Variants in MYO5A observed in about 807,000 individuals in gnomAD.
MYO5A encodes the protein myosin VA.
A neutral mutation model predicts 249.7 loss-of-function variants in MYO5A; 98 were observed. That is an observed-to-expected ratio of 0.39 (90% CI 0.33 to 0.46). The LOEUF (loss-of-function observed/expected upper bound fraction) is 0.46. Ranked by LOEUF, MYO5A falls within the 20% of genes least tolerant of loss-of-function variation. MYO5A has a pLI of 0.98. For missense variants in MYO5A, 1,696 were observed against 2,308.8 expected, an observed-to-expected ratio of 0.73 and a Z score of 5.44; for synonymous variants, 778 against 810.6, an observed-to-expected ratio of 0.96 and a Z score of 0.68.
intron 9 of MYO5A, among the ~76,000 whole-genome samples, chr15:52,401,262 GTT>G (rs563931209): frequency 1.6e-3 from 243 of 152,122 alleles, no homozygotes; most frequent in African/African-American, 5.7e-3. Flanking sequence ...TAGAGAGAGG[GTT>G]TTGCCATGTT....
At chr15:52,522,434 A>C (rs905807311) in intron 1 of MYO5A, among the ~76,000 whole-genome samples, 51 of 152,208 alleles carry the variant, frequency 3.4e-4, no homozygotes, top group African/African-American at 1.1e-3. Flanking sequence ...AAGTCTAGGA[A>C]GACCACTGTA....
rs565980689 is a variant in MYO5A, at chr15:52,320,409, C to T, written c.4951+950G>A. The stretch of plus-strand genomic sequence containing the variant: ...GATTTAGATTGGGGCTTCTTTGAGG[C>T]GAACTTCTTATTCAGCCAATAGAAA... On this transcript the variant is annotated intron_variant, in intron 38 of 41. Transcript: ENST00000399233. Among the ~76,000 whole-genome samples the T allele has an allele frequency of 3.9e-5, 6 of 152,232 alleles. No homozygotes were observed. In the East Asian group the frequency reaches 9.7e-4, roughly 25 times the overall value.
intron 1 of MYO5A, among the ~76,000 whole-genome samples, chr15:52,502,895 G>A (rs917205022): frequency 1.3e-5 from 2 of 152,174 alleles, no homozygotes; most frequent in Non-Finnish European, 2.9e-5. Context: ...AGAACCAGAG[G>A]TCATTATGTT....
At chr15:52,333,905 T>C (rs565752541) in intron 34 of MYO5A, among the ~76,000 whole-genome samples, 7 of 152,364 alleles carry the variant, frequency 4.6e-5, no homozygotes, top group African/African-American at 1.7e-4. Context: ...ACCTTGATTC[T>C]CTTTATTTGG....
At chr15:52,466,024 A>G (rs2076345945) in intron 1 of MYO5A, among the ~76,000 whole-genome samples, 1 of 152,186 alleles carries the variant, frequency 6.6e-6, no homozygotes, top group Admixed American at 6.5e-5. Context: ...TAGGGAATCG[A>G]GCAATCCAGA....
At chr15:52,399,095 G>T (rs144830973) in intron 9 of MYO5A, among the ~76,000 whole-genome samples, 1 of 150,528 alleles carries the variant, frequency 6.6e-6, no homozygotes, top group African/African-American at 2.4e-5. Flanking sequence ...ATTACATCAA[G>T]ATTGTTAACT....
At chr15:52,367,007 G>T in intron 23 of MYO5A, 24 bp downstream of exon 23, 1 of 1,584,820 alleles carries the variant, frequency 6.3e-7, no homozygotes, top group Non-Finnish European at 8.7e-7. Flanking sequence ...GTTGGTTGGC[G>T]TGTAGTACGC....
intron 2 of MYO5A, among the ~76,000 whole-genome samples, chr15:52,430,109 AT>A (rs1484943552): frequency 6.6e-6 from 1 of 152,230 alleles, no homozygotes; most frequent in Non-Finnish European, 1.5e-5. Flanking sequence ...TTCAAATCAT[AT>A]TTGAACGAAT....
Position 52,477,855 on chromosome 15 carries a change from G to T in MYO5A, c.28-44570C>A, listed in dbSNP as rs903550339. Among the ~76,000 whole-genome samples, 3 of 152,320 alleles carry T rather than the reference G, an allele frequency of 2.0e-5. No individual in the cohort carries two copies. In the South Asian group the frequency reaches 6.2e-4, roughly 32 times the overall value. The stretch of plus-strand genomic sequence containing the variant: ...GTGCCTCCCAGTTAGGCTACTCAGG[G>T]GTCAGGGACCCACTTGAGGAGGCAG... On this transcript the variant is annotated intron_variant, in intron 1 of 41. Coordinates refer to ENST00000399233, the MANE Select transcript of MYO5A (RefSeq NM_001382347.1).
chr15:52,518,203 T>C (rs746146765), intron 1 of MYO5A, among the ~76,000 whole-genome samples: 6 of 140,236 alleles, frequency 4.3e-5, no homozygotes, highest in Non-Finnish European at 6.0e-5. Context: ...CTGGATCTCA[T>C]AGATAAAGGT....
At chr15:52,367,870 AACACAC>A (rs3985806) in intron 22 of MYO5A, among the ~76,000 whole-genome samples, 22,751 of 141,536 alleles carry the variant, frequency 0.16, 2,029 homozygotes, top group East Asian at 0.37. Flanking sequence ...TATATTTTAA[AACACAC>A]ACACACACAC....
chr15:52,522,195 G>A (rs1022889944), intron 1 of MYO5A, among the ~76,000 whole-genome samples: 1 of 152,124 alleles, frequency 6.6e-6, no homozygotes, highest in Non-Finnish European at 1.5e-5. Context: ...AAGATGTTGG[G>A]GAAGATAAGA....
At chr15:52,336,091 A>G (rs968870604) in intron 34 of MYO5A, among the ~76,000 whole-genome samples, 1 of 152,222 alleles carries the variant, frequency 6.6e-6, no homozygotes, top group Non-Finnish European at 1.5e-5. Context: ...ACAGAGGTTC[A>G]GAAACTTGCC....
intron 39 of MYO5A, among the ~76,000 whole-genome samples, chr15:52,317,666 T>A (rs960574905): frequency 3.3e-5 from 5 of 152,166 alleles, no homozygotes; most frequent in African/African-American, 1.2e-4. Context: ...GGTAACTGAA[T>A]AACCAAAAGC....
chr15:52,344,764 T>C (rs907307648), intron 30 of MYO5A, among the ~76,000 whole-genome samples: 1 of 152,200 alleles, frequency 6.6e-6, no homozygotes, highest in Non-Finnish European at 1.5e-5. Context: ...GTCCAAACCC[T>C]CTCAGCTGTC....
At chr15:52,438,101 A>AGGG in intron 1 of MYO5A, 1 of 972,898 alleles carries the variant, frequency 1.0e-6, no homozygotes. Context: ...CTATGCCAGA[A>AGGG]GGGGGTCAGT....
intron 1 of MYO5A, among the ~76,000 whole-genome samples, chr15:52,467,134 T>C (rs554450382): frequency 6.3e-4 from 96 of 152,352 alleles, no homozygotes; most frequent in African/African-American, 2.3e-3. Flanking sequence ...CAAGGTATTA[T>C]GGCGCCCTCA....
At chr15:52,373,699 C>T (rs1344660996) in intron 20 of MYO5A, among the ~76,000 whole-genome samples, 2 of 152,120 alleles carry the variant, frequency 1.3e-5, no homozygotes, top group Non-Finnish European at 2.9e-5. Context: ...CCAGTGACCT[C>T]AAAACCCAGC....
chr15:52,381,364 C>A (rs1388794038), intron 16 of MYO5A, among the ~76,000 whole-genome samples: 1 of 151,940 alleles, frequency 6.6e-6, no homozygotes, highest in Non-Finnish European at 1.5e-5. Context: ...CAGTCTAAGG[C>A]AGAATCTCCA....
Sources: allele counts gnomAD v4.1 joint callset (sites outside exome capture counted in the v4.1 genomes callset), GRCh38; gene constraint gnomAD v4.1.1; transcripts MANE v1.5; gene names NCBI Gene and HGNC (gene_info 2026-07-23, HGNC 2026-07-21).